The following CAMK1D variants were observed in gnomAD, a reference collection of about 807,000 sequenced individuals.
CAMK1D encodes the protein calcium/calmodulin-dependent protein kinase type 1D.
A neutral mutation model predicts 47.7 loss-of-function variants in CAMK1D; 9 were observed. The ratio of observed to expected loss-of-function variants is 0.19; its 90% CI spans 0.11 to 0.33. The LOEUF is 0.33. Among genes scored for constraint, CAMK1D ranks in the 10% least tolerant of loss-of-function variants. The pLI is 1.00. For missense variants in CAMK1D, 291 were observed against 488.7 expected (o/e 0.60, Z 3.81); for synonymous variants, 184 against 184.9 (o/e 0.99, Z 0.04).
intron 1 of CAMK1D, among the ~76,000 whole-genome samples, chr10:12,423,517 GA>G (rs931469508): frequency 6.6e-6 from 1 of 151,530 alleles, no homozygotes; most frequent in Non-Finnish European, 1.5e-5. Context: ...TGTTTCTAAA[GA>G]AAAAAAAGAA....
intron 1 of CAMK1D, among the ~76,000 whole-genome samples, chr10:12,387,768 G>A (rs564709332): frequency 1.4e-4 from 22 of 151,946 alleles, no homozygotes; most frequent in African/African-American, 5.3e-4. Context: ...AGCATTACAG[G>A]CATGCGCTAC....
intron 1 of CAMK1D, among the ~76,000 whole-genome samples, chr10:12,387,399 T>TATATA (rs1564306946): frequency 1.5e-5 from 1 of 65,400 alleles, no homozygotes; most frequent in Non-Finnish European, 3.3e-5. Context: ...ATTATATATT[T>TATATA]TTATATATTA....
Position 12,652,780 on chromosome 10 carries a change from C to T in CAMK1D, c.225-13956C>T, listed in dbSNP as rs543096289. 1.4e-4 allele frequency among the ~76,000 whole-genome samples: 21 copies of T among 152,280 alleles called. No individual in the cohort carries two copies. The East Asian group carries it at 4.1e-3, about 29-fold the overall frequency. On this transcript the variant is annotated intron_variant, in intron 2 of 10. Transcript: ENST00000619168. ...GAACTATAAGCTCAGACCACCTTAG[C>T]ATTTAACAATGATCTATCATAAAAC...
At chr10:12,429,232 C>G (rs1347572854) in intron 1 of CAMK1D, among the ~76,000 whole-genome samples, 1 of 152,194 alleles carries the variant, frequency 6.6e-6, no homozygotes, top group East Asian at 1.9e-4. Flanking sequence ...CCCCTTCTCC[C>G]CCACTCTTCT....
At chr10:12,401,180 ATTATATATATATT>A (rs1209412203) in intron 1 of CAMK1D, among the ~76,000 whole-genome samples, 8 of 53,184 alleles carry the variant, frequency 1.5e-4, no homozygotes, top group African/African-American at 7.1e-4. Flanking sequence ...TATTATATAT[ATTATATATATATT>A]TTATATATAT....
intron 2 of CAMK1D, among the ~76,000 whole-genome samples, chr10:12,576,535 C>T (rs1447555588): frequency 2.0e-5 from 3 of 152,022 alleles, no homozygotes; most frequent in African/African-American, 4.8e-5. Context: ...AGTGGGAGCC[C>T]TGAGCTTGTT....
intron 1 of CAMK1D, among the ~76,000 whole-genome samples, chr10:12,491,262 T>C (rs1159784695): frequency 6.6e-6 from 1 of 152,146 alleles, no homozygotes; most frequent in Non-Finnish European, 1.5e-5. Flanking sequence ...TTCTGCTGTG[T>C]AACTGATGGT....
rs1021490260 is a variant in CAMK1D at position 12,759,070 on chromosome 10, C to T, written c.300-1878C>T. ...AATAAATAATTAAGTGAATGCAGGC[C>T]GGATGCAGTGGCTCACGCCTGTAAT... On this transcript the variant is annotated intron_variant, in intron 3 of 10. Transcript: ENST00000619168. Among the ~76,000 whole-genome samples, 9 of 152,170 alleles carry T rather than the reference C, an allele frequency of 5.9e-5. No homozygotes were observed. In the South Asian group the frequency reaches 1.0e-3, roughly 18 times the overall value.
intron 4 of CAMK1D, among the ~76,000 whole-genome samples, chr10:12,763,958 C>A (rs546337646): frequency 6.6e-6 from 1 of 152,302 alleles, no homozygotes; most frequent in Admixed American, 6.5e-5. Context: ...CCCCCACCCC[C>A]ACAGCCCTCC....
intron 2 of CAMK1D, among the ~76,000 whole-genome samples, chr10:12,658,122 TGG>T (rs1380455774): frequency 6.6e-6 from 1 of 152,022 alleles, no homozygotes; most frequent in African/African-American, 2.4e-5. Flanking sequence ...CACTCCAGCC[TGG>T]GTGACAGAAT....
intron 3 of CAMK1D, among the ~76,000 whole-genome samples, chr10:12,726,661 T>G (rs1351713557): frequency 6.6e-6 from 1 of 152,204 alleles, no homozygotes; most frequent in Non-Finnish European, 1.5e-5. Context: ...TTTATAGAAT[T>G]CATTAAATTC....
At chr10:12,398,600 C>T (rs1032987238) in intron 1 of CAMK1D, among the ~76,000 whole-genome samples, 4 of 152,178 alleles carry the variant, frequency 2.6e-5, no homozygotes, top group Admixed American at 6.5e-5. Context: ...CCGCCCGCCT[C>T]GGCCTCCCAA....
At chr10:12,812,347 G>A (rs537166565) in intron 6 of CAMK1D, among the ~76,000 whole-genome samples, 21 of 152,326 alleles carry the variant, frequency 1.4e-4, no homozygotes, top group Admixed American at 1.3e-3. Flanking sequence ...CGGGCTCAGT[G>A]GCTCACACCT....
At chr10:12,666,624 T>C (rs1840439647) in intron 2 of CAMK1D, 112 bp from the exon 3 acceptor site, 2 of 801,218 alleles carry the variant, frequency 2.5e-6, no homozygotes, top group Non-Finnish European at 4.1e-6. Context: ...GAAATCTTTT[T>C]GTTCAGGAGT....
chr10:12,549,191 G>A (rs575672914), intron 1 of CAMK1D, among the ~76,000 whole-genome samples: 13 of 152,168 alleles, frequency 8.5e-5, no homozygotes, highest in South Asian at 4.1e-4. Flanking sequence ...TGGAAACTCC[G>A]TCCCCATTAA....
chr10:12,496,960 GCTCCC>G (rs1834558581), intron 1 of CAMK1D, among the ~76,000 whole-genome samples: 1 of 152,138 alleles, frequency 6.6e-6, no homozygotes, highest in East Asian at 1.9e-4. Flanking sequence ...GCATAGTTCA[GCTCCC>G]ACTTATAAGT....
intron 1 of CAMK1D, among the ~76,000 whole-genome samples, chr10:12,534,184 A>G (rs573666897): frequency 2.0e-5 from 3 of 150,692 alleles, no homozygotes; most frequent in Non-Finnish European, 3.0e-5. Flanking sequence ...CTATCTATCT[A>G]TCTGTCTATC....
chr10:12,540,100 T>C (rs1168819844), intron 1 of CAMK1D, among the ~76,000 whole-genome samples: 1 of 128,034 alleles, frequency 7.8e-6, no homozygotes, highest in Non-Finnish European at 1.7e-5. Flanking sequence ...TTTTCTTTTC[T>C]TTTTTTTTTG....
intron 1 of CAMK1D, among the ~76,000 whole-genome samples, chr10:12,530,826 G>T (rs1488596206): frequency 2.6e-5 from 4 of 152,148 alleles, no homozygotes; most frequent in Admixed American, 2.0e-4. Flanking sequence ...GGAGGCTGAC[G>T]TTGGAGAATT....
Sources: allele counts gnomAD v4.1 joint callset (sites outside exome capture counted in the v4.1 genomes callset), GRCh38; gene constraint gnomAD v4.1.1; transcripts MANE v1.5; gene names NCBI Gene and HGNC (gene_info 2026-07-23, HGNC 2026-07-21).